LARP1: variants seen among roughly 807,000 people sequenced by gnomAD.
The protein encoded by LARP1 is La ribonucleoprotein 1, translational regulator, also known as la-related protein 1.
In LARP1, 36 loss-of-function variants were observed where a neutral mutation model predicts 122.7. That is an observed-to-expected ratio of 0.29 (90% CI 0.22 to 0.39). LARP1 has a LOEUF of 0.39. Ranked by LOEUF, LARP1 falls within the 10% of genes least tolerant of loss-of-function variation. The pLI, the probability that LARP1 is intolerant of heterozygous loss-of-function variation, is 1.00. For missense variants in LARP1, 1,040 were observed against 1,403.6 expected, an observed-to-expected ratio of 0.74 and a Z score of 4.14; for synonymous variants, 539 against 528.7, an observed-to-expected ratio of 1.02 and a Z score of -0.27.
At chr5:154,792,534 C>T (rs1757425576) in intron 3 of LARP1, 88 bp from the exon 4 acceptor site, 3 of 1,223,918 alleles carry the variant, frequency 2.5e-6, no homozygotes, top group Non-Finnish European at 3.5e-6. Flanking sequence ...GTGGCTCCTG[C>T]CTGCCCTTCT....
chr5:154,795,142 C>A, intron 7 of LARP1, 33 bp from the exon 8 acceptor site: 1 of 1,606,858 alleles, frequency 6.2e-7, no homozygotes, highest in Non-Finnish European at 8.5e-7. Context: ...TGCACCAATC[C>A]CTCGGTGATA....
upstream of LARP1, among the ~76,000 whole-genome samples, chr5:154,751,059 T>C (rs572282830): frequency 6.6e-6 from 1 of 152,324 alleles, no homozygotes; most frequent in East Asian, 1.9e-4. Flanking sequence ...ATTTGGTTCC[T>C]CTAATTAGAG....
Position 154,726,377 on chromosome 5 carries a change from G to A in LARP1, c.205+13247G>A, listed in dbSNP as rs148504362. 4.2e-4 allele frequency among the ~76,000 whole-genome samples: 64 copies of A among 152,174 alleles called. 1 individual carries two copies. The East Asian group carries it at 0.012, about 28-fold the overall frequency. ...TTTTCATATACAATACCTGCTATTCGATCAAAATTTACCTGACATTTCAGT... is the reference window on the plus strand; with the variant it reads ...TTTTCATATACAATACCTGCTATTCAATCAAAATTTACCTGACATTTCAGT... On this transcript the variant is annotated intron_variant, in intron 1 of 18. Coordinates refer to the LARP1 transcript ENST00000336314.
intron 1 of LARP1, among the ~76,000 whole-genome samples, chr5:154,719,151 C>T (rs1755699878): frequency 6.6e-6 from 1 of 152,200 alleles, no homozygotes; most frequent in African/African-American, 2.4e-5. Flanking sequence ...TGCCCCTAGC[C>T]TGAGCCCTGC....
At position 154,802,431 on chromosome 5, in the gene LARP1, C is replaced by T. The variant is rs115407351; in HGVS notation, c.2109+32C>T. ...CTTGGACATAGCAGTGAGTGTGGAG[C>T]CTGGTGTGCCTGTATTGTACGGAGA... On this transcript the variant is annotated intron_variant, in intron 11 of 18. Transcript: ENST00000518297. This position sits in a 1 kb window ranked among gnomAD's most constrained non-coding sequence, Gnocchi z 5.1. 4.5e-4 allele frequency: 695 copies of T among 1,553,382 alleles called. 5 individuals are homozygous for T. In the African/African-American group the frequency reaches 8.2e-3, roughly 18 times the overall value.
rs539390106 is a variant in LARP1, at chr5:154,758,811, T to A, written c.436+2618T>A. Reference sequence around the variant, plus strand: ...TTAGTTCTTTAAGGGACACATGCAGTAACTAGTAATAAAATATGTTTCGTG... The same window carrying A: ...TTAGTTCTTTAAGGGACACATGCAGAAACTAGTAATAAAATATGTTTCGTG... On this transcript the variant is annotated intron_variant, in intron 1 of 18. Transcript: ENST00000518297. Among the ~76,000 whole-genome samples, 11 of 152,376 alleles carry A rather than the reference T, an allele frequency of 7.2e-5. No individual in the cohort carries two copies. In the South Asian group the frequency reaches 2.3e-3, roughly 32 times the overall value.
At chr5:154,783,976 G>A (rs1275037575) in intron 1 of LARP1, among the ~76,000 whole-genome samples, 1 of 152,142 alleles carries the variant, frequency 6.6e-6, no homozygotes, top group Non-Finnish European at 1.5e-5. Context: ...GGACTGAGGC[G>A]CAGCACTGAT....
chr5:154,791,557 A>G (rs1057223471), intron 3 of LARP1, among the ~76,000 whole-genome samples: 2 of 152,188 alleles, frequency 1.3e-5, no homozygotes, highest in Non-Finnish European at 2.9e-5. Flanking sequence ...TCTGAGCAAC[A>G]TTGAAATAGC....
upstream of LARP1, among the ~76,000 whole-genome samples, chr5:154,754,787 C>A (rs964289741): frequency 3.9e-5 from 6 of 152,188 alleles, no homozygotes; most frequent in African/African-American, 1.4e-4. Flanking sequence ...ACCAAGGTCA[C>A]CCGGGCGGGG....
intron 14 of LARP1, 100 bp from the exon 15 acceptor site, chr5:154,805,781 G>A (rs1758727187): frequency 7.8e-7 from 1 of 1,277,984 alleles, no homozygotes. Context: ...CCCTGTGAGA[G>A]GATGGATCTT....
In LARP1 at chr5:154,803,411, A is replaced by G. The variant is rs1190885920; in HGVS notation, c.2231A>G (p.Gln744Arg). The change falls in exon 12 of 19, where the codon CAA becomes CGA. Residue 744 changes from glutamine to arginine, a missense_variant and splice_region_variant. Gln to Arg is a conservative substitution (Grantham distance 43). Around this residue, in one of 8 missense-constraint regions of LARP1, gnomAD observed 362 missense variants for 533.1 expected, o/e 0.68. Transcript: ENST00000518297. This position sits in a 1 kb window ranked among gnomAD's most constrained non-coding sequence, Gnocchi z 4.4. ...CCTCCTGGGCCACCTCGGTTCCAGC[A>G]AGGTGAGAAGCAGACACCTGAGATC... ...EVPPGPPRFQ[Q>R]VPTDALANKL... is the part of the protein sequence containing the mutation. 6.2e-7 allele frequency: 1 copy of G among 1,614,004 alleles called. No homozygotes were observed. Among genetic ancestry groups the G allele is most frequent in the Non-Finnish European group, 8.5e-7 (1 of 1,180,024 alleles).
At position 154,806,048 on chromosome 5, in the gene LARP1, G is replaced by T. The variant is rs369577428; in HGVS notation, c.2698+16G>T. 2.6e-5 allele frequency: 42 copies of T among 1,612,594 alleles called. No individual in the cohort carries two copies. The highest frequency in any genetic ancestry group is 8.4e-5 in the Admixed American group (5 of 59,834). On this transcript the variant is annotated intron_variant, in intron 15 of 18. Coordinates refer to ENST00000518297, the MANE Select transcript of LARP1 (RefSeq NM_033551.3). ...TGCCTTAATGGTAAGAAGTGTGGGG[G>T]GCAGGAGATGAGCCTCTGGGCCCGT... is the stretch of plus-strand genomic sequence containing the variant.
chr5:154,767,426 T>G (rs1053737817), intron 1 of LARP1, among the ~76,000 whole-genome samples: 1 of 152,200 alleles, frequency 6.6e-6, no homozygotes, highest in African/African-American at 2.4e-5. Flanking sequence ...TCCCCTTGAT[T>G]GCTGCAGTTT....
chr5:154,721,114 G>GGGAGGATCACTAGATCCCAGGGGTT (rs1364808177), intron 1 of LARP1, among the ~76,000 whole-genome samples: 2 of 151,926 alleles, frequency 1.3e-5, no homozygotes. Context: ...AAGCTGAGGT[G>GGGAGGATCACTAGATCCCAGGGGTT]GGAGGATCAC....
chr5:154,792,615 G>A lies in LARP1; in HGVS notation c.565-7G>A. On this transcript the variant is annotated splice_polypyrimidine_tract_variant and splice_region_variant and intron_variant, in intron 3 of 18. Transcript: ENST00000518297. Reference sequence around the variant, plus strand: ...TCACCTCACTGTTACTTTACTTCCTGCTATAGCCACAGTCCCACAAGCCTC... The same window carrying A: ...TCACCTCACTGTTACTTTACTTCCTACTATAGCCACAGTCCCACAAGCCTC... 1 of 1,613,424 alleles carries A rather than the reference G, an allele frequency of 6.2e-7. No homozygotes were observed. The highest frequency in any genetic ancestry group is 8.5e-7 in the Non-Finnish European group (1 of 1,179,638).
intron 7 of LARP1, among the ~76,000 whole-genome samples, chr5:154,794,792 C>T (rs1449070584): frequency 6.6e-6 from 1 of 152,180 alleles, no homozygotes; most frequent in African/African-American, 2.4e-5. Context: ...TGTTCTTAAC[C>T]ACTCTGATAT....
At chr5:154,764,927 C>T (rs1489912654) in intron 1 of LARP1, among the ~76,000 whole-genome samples, 1 of 149,540 alleles carries the variant, frequency 6.7e-6, no homozygotes, top group Non-Finnish European at 1.5e-5. Context: ...AAAGAAACAA[C>T]AAAAAAAACC....
At position 154,803,451 on chromosome 5, in the gene LARP1, AGGATCTAG is replaced by A; in HGVS notation, c.2233+41_2233+48del. ...CACCTGAGATCCTGACATGGGTGAG[AGGATCTAG>A]GGCCCTTGGACTGGGGGCTATCCTG... On this transcript the variant is annotated intron_variant, in intron 12 of 18. Transcript: ENST00000518297. The surrounding 1 kb of genome is among the most constrained non-coding windows in gnomAD (Gnocchi z 4.4). 3 of 1,614,060 alleles carry A rather than the reference AGGATCTAG, an allele frequency of 1.9e-6. No individual in the cohort carries two copies. Among genetic ancestry groups the A allele is most frequent in the Non-Finnish European group, 2.5e-6 (3 of 1,180,012 alleles).
intron 1 of LARP1, among the ~76,000 whole-genome samples, chr5:154,728,819 C>G (rs1219772955): frequency 6.6e-6 from 1 of 152,166 alleles, no homozygotes. Context: ...CAAGGAAGAG[C>G]TCGTTCAGGG....
Sources: gnomAD v4.1 joint callset for allele counts (sites outside exome capture counted in the v4.1 genomes callset) on GRCh38, gnomAD v4.1.1 for gene constraint, gnomAD v4.1.1 regional missense constraint, Gnocchi (gnomAD v3.1) non-coding constraint, MANE v1.5 for transcripts, NCBI Gene and HGNC (gene_info 2026-07-23, HGNC 2026-07-21) for gene names.